Variants in SCD5 observed in about 807,000 individuals in gnomAD.
SCD5 encodes stearoyl-CoA desaturase 5, also known as acyl-CoA-desaturase 4.
In SCD5, 20 loss-of-function variants were observed where a neutral mutation model predicts 30.4. The observed-to-expected ratio is 0.66, with a 90% CI of 0.46 to 0.96. The LOEUF (loss-of-function observed/expected upper bound fraction) is 0.96, where lower values mean the gene tolerates loss of function less well. Ranked by LOEUF, SCD5 falls within the 40% of genes least tolerant of loss-of-function variation. The pLI, the probability that SCD5 is intolerant of heterozygous loss-of-function variation, is 0.00. For missense variants in SCD5, 381 were observed against 443.3 expected (o/e 0.86, Z 1.26); for synonymous variants, 173 against 176.4 (o/e 0.98, Z 0.16).
chr4:82,631,621 T>A, intron 4 of SCD5, 104 bp from the exon 5 acceptor site: 1 of 1,221,494 alleles, frequency 8.2e-7, no homozygotes, highest in Non-Finnish European at 1.1e-6. Flanking sequence ...GGACATGGTG[T>A]CAGCCTCTGT....
intron 1 of SCD5, among the ~76,000 whole-genome samples, chr4:82,774,243 T>C (rs1003549799): frequency 6.0e-5 from 9 of 150,544 alleles, no homozygotes; most frequent in Non-Finnish European, 1.3e-4. Flanking sequence ...ACAACCTAAA[T>C]TTTCAACAAT....
rs778480466 is a variant in SCD5, at chr4:82,720,441, T to TACAAAAAAAAGAAAAAAAAAAAAAAAAA, written c.233-15029_233-15028insTTTTTTTTTTTTTTTTTCTTTTTTTTGT. 3.8e-5 allele frequency among the ~76,000 whole-genome samples: 3 copies of TACAAAAAAAAGAAAAAAAAAAAAAAAAA among 77,940 alleles called. 1 individual carries two copies. The Admixed American group carries it at 4.8e-4, about 13-fold the overall frequency. 51.1% of individuals were successfully genotyped at this position (77,940 alleles called of 152,430 possible). ...GATGCTGTCTCAAAAAAGGCAAAAA[T>TACAAAAAAAAGAAAAAAAAAAAAAAAAA]AAAAAAAAAAAAAAAAAAAAAAGAC... On this transcript the variant is annotated intron_variant, in intron 1 of 4. Transcript: ENST00000319540.
Position 82,667,280 on chromosome 4 carries a change from A to ACGCACG in SCD5, c.569+13426_569+13427insCGTGCG, listed in dbSNP as rs1036045585. On this transcript the variant is annotated intron_variant, in intron 3 of 4. Transcript: ENST00000319540. Reference sequence around the variant, plus strand: ...TTGGTGTATTTTTATACACACACACACACACACGCACGCACGCACGCATGC... The same window carrying ACGCACG: ...TTGGTGTATTTTTATACACACACACACGCACGCACACACGCACGCACGCACGCATGC... Among the ~76,000 whole-genome samples, 6 of 144,096 alleles carry ACGCACG rather than the reference A, an allele frequency of 4.2e-5. No homozygotes were observed. The East Asian group carries it at 6.5e-4, about 16-fold the overall frequency. The allele number at this position is 144,096 out of a possible 152,430, so 94.5% of individuals were successfully genotyped here.
At chr4:82,635,322 T>C (rs1041316158) in intron 4 of SCD5, among the ~76,000 whole-genome samples, 13 of 152,046 alleles carry the variant, frequency 8.6e-5, no homozygotes, top group Admixed American at 3.3e-4. Context: ...TGACTAGCAA[T>C]AAAAGCAACA....
intron 2 of SCD5, among the ~76,000 whole-genome samples, chr4:82,698,790 C>T (rs1719751740): frequency 6.6e-6 from 1 of 152,236 alleles, no homozygotes; most frequent in African/African-American, 2.4e-5. Context: ...GCAAGGTCTT[C>T]TCTGACCACA....
intron 3 of SCD5, among the ~76,000 whole-genome samples, chr4:82,672,222 T>C (rs1295032012): frequency 1.3e-5 from 2 of 151,772 alleles, no homozygotes; most frequent in East Asian, 3.9e-4. Context: ...AGAAATGAAA[T>C]TATGAACAGG....
intron 1 of SCD5, among the ~76,000 whole-genome samples, chr4:82,755,227 T>C (rs546533358): frequency 1.3e-5 from 2 of 151,936 alleles, no homozygotes; most frequent in African/African-American, 4.8e-5. Flanking sequence ...GGGCCAGGCA[T>C]GGTGGCTCAT....
chr4:82,653,471 C>T (rs1727796833), intron 3 of SCD5, among the ~76,000 whole-genome samples: 1 of 152,144 alleles, frequency 6.6e-6, no homozygotes, highest in Non-Finnish European at 1.5e-5. Flanking sequence ...ATCCAGAAAT[C>T]CCCTCACTAC....
At chr4:82,724,395 T>C (rs897111865) in intron 1 of SCD5, among the ~76,000 whole-genome samples, 3 of 152,118 alleles carry the variant, frequency 2.0e-5, no homozygotes, top group African/African-American at 7.2e-5. Flanking sequence ...GGCAGGAGGA[T>C]TGCTGGAGCC....
At chr4:82,689,637 G>A (rs1193800459) in intron 2 of SCD5, among the ~76,000 whole-genome samples, 6 of 152,126 alleles carry the variant, frequency 3.9e-5, no homozygotes, top group Non-Finnish European at 7.3e-5. Context: ...ACTGAGTCAG[G>A]CAAGAATCCC....
intron 3 of SCD5, among the ~76,000 whole-genome samples, chr4:82,666,602 G>A (rs114623588): frequency 0.041 from 6,269 of 152,162 alleles, 194 homozygotes; most frequent in South Asian, 0.15. Context: ...ACCAGGAATC[G>A]ATAATATCTA....
At chr4:82,742,585 A>G (rs58592679) in intron 1 of SCD5, among the ~76,000 whole-genome samples, 13,475 of 152,208 alleles carry the variant, frequency 0.089, 992 homozygotes, top group African/African-American at 0.19. Flanking sequence ...CCAGGAGTTC[A>G]AGACCAGCCT....
At chr4:82,653,047 G>A (rs767842742) in intron 3 of SCD5, among the ~76,000 whole-genome samples, 1 of 146,994 alleles carries the variant, frequency 6.8e-6, no homozygotes, top group African/African-American at 2.4e-5. Flanking sequence ...TGGCTACTTG[G>A]GGGGACTGAG....
chr4:82,742,142 C>G (rs1720888861), intron 1 of SCD5, among the ~76,000 whole-genome samples: 1 of 151,826 alleles, frequency 6.6e-6, no homozygotes, highest in African/African-American at 2.4e-5. Context: ...CCCAGTCAGG[C>G]AGCTTGTGTG....
intron 1 of SCD5, among the ~76,000 whole-genome samples, chr4:82,758,894 C>A (rs917611484): frequency 6.6e-6 from 1 of 152,194 alleles, no homozygotes; most frequent in African/African-American, 2.4e-5. Context: ...AGGCGCCTCC[C>A]CCGCGAAACA....
intron 3 of SCD5, among the ~76,000 whole-genome samples, chr4:82,665,726 T>C (rs898042230): frequency 6.6e-6 from 1 of 152,032 alleles, no homozygotes; most frequent in Non-Finnish European, 1.5e-5. Context: ...AGATATCAAG[T>C]GGAAATTAGG....
At position 82,642,694 on chromosome 4, in the gene SCD5, A is replaced by G. The variant is rs145257437; in HGVS notation, c.570-5871T>C. 2.0e-3 allele frequency among the ~76,000 whole-genome samples: 298 copies of G among 152,344 alleles called. 1 individual carries two copies. The highest frequency in any genetic ancestry group is 6.6e-3 in the African/African-American group (275 of 41,578). On this transcript the variant is annotated intron_variant, in intron 3 of 4. Transcript: ENST00000319540. ...GGCTTAACGGGCAGCCTAACCTGCT[A>G]GATCAGGGCTCGCAGCCCTGACTGC...
intron 2 of SCD5, among the ~76,000 whole-genome samples, chr4:82,698,787 C>T (rs1719751664): frequency 6.6e-6 from 1 of 152,218 alleles, no homozygotes; most frequent in African/African-American, 2.4e-5. Flanking sequence ...TCAGCAAGGT[C>T]TTCTCTGACC....
At chr4:82,642,668 T>C (rs1727568677) in intron 3 of SCD5, among the ~76,000 whole-genome samples, 1 of 152,226 alleles carries the variant, frequency 6.6e-6, no homozygotes, top group Non-Finnish European at 1.5e-5. Flanking sequence ...TCACACGAGC[T>C]GGCTTAACGG....
Sources: gnomAD v4.1 joint callset for allele counts (sites outside exome capture counted in the v4.1 genomes callset) on GRCh38, gnomAD v4.1.1 for gene constraint, MANE v1.5 for transcripts, NCBI Gene and HGNC (gene_info 2026-07-23, HGNC 2026-07-21) for gene names.